The following ARHGEF26 variants were observed in gnomAD, a reference collection of about 807,000 sequenced individuals.
ARHGEF26 encodes Rho guanine nucleotide exchange factor (GEF) 26.
Under a neutral mutation model 89.4 loss-of-function variants are expected in ARHGEF26, and 59 were observed. The ratio of observed to expected loss-of-function variants is 0.66; its 90% confidence interval spans 0.54 to 0.82. The LOEUF is 0.82. Ranked by LOEUF, ARHGEF26 falls within the 40% of genes least tolerant of loss-of-function variation. The probability of loss-of-function intolerance (pLI) is 0.00; values close to 1 mark genes in which losing one functional copy is unlikely to be tolerated. For synonymous variants in ARHGEF26, 500 were observed against 428.4 expected (o/e 1.17, Z -2.06); for missense variants, 1,234 against 1,085.6 (o/e 1.14, Z -1.92).
In ARHGEF26 at chr3:154,254,762, A is replaced by G; in HGVS notation, c.2411A>G (p.Gln804Arg). Residue 804 changes from glutamine to arginine, a missense_variant, in exon 14 of 15, where the codon CAG (glutamine) becomes CGG (arginine). Transcript: ENST00000465093. ...ATCGTTAGGTCATTTACTGCTAAGC[A>G]GCCAGATGAACTCTCCCTGCAGGTG... ...VEIVRSFTAK[Q>R]PDELSLQVAD... The G allele has an allele frequency of 6.2e-7, 1 of 1,613,934 alleles. No individual in the cohort carries two copies. Among genetic ancestry groups the G allele is most frequent in the East Asian group, 2.2e-5 (1 of 44,854 alleles).
At chr3:154,142,874 C>A (rs1341856459) in intron 4 of ARHGEF26, among the ~76,000 whole-genome samples, 2 of 152,196 alleles carry the variant, frequency 1.3e-5, no homozygotes, top group Non-Finnish European at 1.5e-5. Context: ...ATTTTCAGCA[C>A]TGCCTCATAA....
intron 6 of ARHGEF26, among the ~76,000 whole-genome samples, chr3:154,174,657 T>G (rs1240508779): frequency 6.6e-6 from 1 of 152,242 alleles, no homozygotes; most frequent in Non-Finnish European, 1.5e-5. Flanking sequence ...CCTGTTACAG[T>G]TAATTGGGCA....
intron 7 of ARHGEF26, among the ~76,000 whole-genome samples, chr3:154,188,830 C>G (rs1713759725): frequency 6.7e-6 from 1 of 149,146 alleles, no homozygotes; most frequent in Non-Finnish European, 1.5e-5. Context: ...ATGACATTTT[C>G]ATATAGCCAG....
chr3:154,161,098 GTTT>G (rs1375398080), intron 6 of ARHGEF26, among the ~76,000 whole-genome samples: 457 of 18,766 alleles, frequency 0.024, 3 homozygotes, highest in East Asian at 0.067. Flanking sequence ...TGGTAGCCAG[GTTT>G]GTGTGTGTGT....
chr3:154,176,564 A>T (rs1176625293), intron 6 of ARHGEF26, among the ~76,000 whole-genome samples: 1 of 152,226 alleles, frequency 6.6e-6, no homozygotes, highest in South Asian at 2.1e-4. Context: ...GCTTCACAGG[A>T]TGTAGATGGG....
chr3:154,222,849 G>A (rs1299981893), intron 10 of ARHGEF26, among the ~76,000 whole-genome samples: 1 of 152,094 alleles, frequency 6.6e-6, no homozygotes, highest in Non-Finnish European at 1.5e-5. Flanking sequence ...CTAATGAGAG[G>A]GGAATAAATC....
At chr3:154,253,052 GA>G (rs1718256165) in intron 12 of ARHGEF26, 63 bp from the exon 13 acceptor site, 1 of 1,584,102 alleles carries the variant, frequency 6.3e-7, no homozygotes, top group African/African-American at 1.3e-5. Flanking sequence ...TGGCTGCCTA[GA>G]AAACACTCCA....
chr3:154,247,302 C>T (rs895071271), intron 12 of ARHGEF26, among the ~76,000 whole-genome samples: 5 of 152,158 alleles, frequency 3.3e-5, no homozygotes, highest in Non-Finnish European at 7.3e-5. Context: ...CACTCTTTTG[C>T]GTTATCCAGT....
chr3:154,129,833 ACT>A, intron 4 of ARHGEF26, 114 bp downstream of exon 4: 1 of 1,219,434 alleles, frequency 8.2e-7, no homozygotes, highest in Non-Finnish European at 1.1e-6. Flanking sequence ...AAGGAGAAAG[ACT>A]CTTTTTAGAT....
chr3:154,192,227 A>G (rs1053362422), intron 8 of ARHGEF26, among the ~76,000 whole-genome samples: 1 of 152,252 alleles, frequency 6.6e-6, no homozygotes, highest in Non-Finnish European at 1.5e-5. Flanking sequence ...ATTGGATCAT[A>G]ATGTTGATAT....
At chr3:154,134,773 T>G (rs776368412) in intron 4 of ARHGEF26, among the ~76,000 whole-genome samples, 1 of 136,926 alleles carries the variant, frequency 7.3e-6, no homozygotes, top group South Asian at 2.3e-4. Context: ...TTATTGAGGT[T>G]TTTTTTTTTA....
intron 12 of ARHGEF26, among the ~76,000 whole-genome samples, chr3:154,245,668 CTCA>C (rs1717761056): frequency 2.6e-5 from 4 of 152,198 alleles, no homozygotes; most frequent in Admixed American, 2.6e-4. Context: ...CACTTTTCCC[CTCA>C]TGTTTTCTGT....
intron 5 of ARHGEF26, among the ~76,000 whole-genome samples, chr3:154,149,745 A>T (rs1719905880): frequency 6.6e-6 from 1 of 152,156 alleles, no homozygotes; most frequent in Non-Finnish European, 1.5e-5. Context: ...TAGATCTTAG[A>T]ACTGAAAAAG....
intron 11 of ARHGEF26, among the ~76,000 whole-genome samples, chr3:154,231,698 C>T (rs1204328210): frequency 2.0e-5 from 3 of 152,128 alleles, no homozygotes; most frequent in Non-Finnish European, 4.4e-5. Flanking sequence ...TGCTACATAG[C>T]TGAAGGTACG....
chr3:154,253,330 A>G, intron 13 of ARHGEF26, 147 bp downstream of exon 13: 1 of 871,494 alleles, frequency 1.1e-6, no homozygotes. Context: ...AAAATGTATG[A>G]TCCTTGCTTT....
At position 154,249,294 on chromosome 3, in the gene ARHGEF26, A is replaced by G. The variant is rs114832196; in HGVS notation, c.2301-3822A>G. Among the ~76,000 whole-genome samples, 724 of 152,312 alleles carry G rather than the reference A, an allele frequency of 4.8e-3. 5 individuals carry two copies. The highest frequency in any genetic ancestry group is 0.017 in the African/African-American group (688 of 41,576). Reference sequence around the variant, plus strand: ...TTTTGTAGCTGATGCCTGGTATTCCATAAGAAGTGAGACTTTGCTGTATCT... The same window carrying G: ...TTTTGTAGCTGATGCCTGGTATTCCGTAAGAAGTGAGACTTTGCTGTATCT... On this transcript the variant is annotated intron_variant, in intron 12 of 14. Coordinates refer to ENST00000465093, the MANE Select transcript of ARHGEF26 (RefSeq NM_015595.4).
At chr3:154,124,371 CCTT>C in intron 2 of ARHGEF26, 36 bp from the exon 3 acceptor site, 1 of 977,566 alleles carries the variant, frequency 1.0e-6, no homozygotes, top group East Asian at 3.8e-5. Flanking sequence ...GTTTGCTTTT[CCTT>C]TTTTTTTTTT....
At chr3:154,136,854 A>T (rs1229323984) in intron 4 of ARHGEF26, among the ~76,000 whole-genome samples, 1 of 152,218 alleles carries the variant, frequency 6.6e-6, no homozygotes. Context: ...TTAGATGGTG[A>T]CTAAAACCTT....
rs139833468 is a variant in ARHGEF26 at position 154,165,734 on chromosome 3, A to G, written c.1487+12802A>G. ...GCTGCTAAATGAACTTTCCATCAGC[A>G]TGGAACTAATGTTTATCGGAATAAC... On this transcript the variant is annotated intron_variant, in intron 6 of 14. Coordinates refer to ENST00000465093, the MANE Select transcript of ARHGEF26 (RefSeq NM_015595.4). Among the ~76,000 whole-genome samples, 82 of 152,340 alleles carry G rather than the reference A, an allele frequency of 5.4e-4. 4 individuals carry two copies. The East Asian group carries it at 0.014, about 27-fold the overall frequency.
Sources: gnomAD v4.1 joint callset for allele counts (sites outside exome capture counted in the v4.1 genomes callset) on GRCh38, gnomAD v4.1.1 for gene constraint, MANE v1.5 for transcripts, NCBI Gene and HGNC (gene_info 2026-07-23, HGNC 2026-07-21) for gene names.